Variants in NFASC observed in about 807,000 individuals in gnomAD.
The protein encoded by NFASC is neurofascin.
In NFASC, 43 loss-of-function variants were observed where a neutral mutation model predicts 147.5. The observed-to-expected ratio is 0.29, with a 90% CI of 0.23 to 0.38. The LOEUF (loss-of-function observed/expected upper bound fraction) is 0.38. Among genes scored for constraint, NFASC ranks in the 10% least tolerant of loss-of-function variants. The pLI is 1.00. For missense variants in NFASC, 1,320 were observed against 1,689.0 expected, an observed-to-expected ratio of 0.78 and a Z score of 3.83; for synonymous variants, 622 against 665.5, an observed-to-expected ratio of 0.93 and a Z score of 1.01.
In NFASC at chr1:204,970,690, GC is replaced by G; in HGVS notation, c.1080del (p.Asn361MetfsTer12). 1 of 1,614,232 alleles carries G rather than the reference GC, an allele frequency of 6.2e-7. No individual in the cohort carries two copies. The highest frequency in any genetic ancestry group is 8.5e-7 in the Non-Finnish European group (1 of 1,180,044). On this transcript the variant is annotated frameshift_variant, in exon 11 of 30. Coordinates refer to ENST00000339876, the MANE Select transcript of NFASC (RefSeq NM_001005388.3). LOFTEE classifies it high-confidence loss of function. ...CGAGGATGGGAGACTGGTGTGTCGA[GC>G]CAATGGAAACCCCAAACCCACTGTC... ...PGEDGRLVCRANGNPKPTVQW... is the reference protein window; with the variant it reads ...PGEDGRLVCRXNGNPKPTVQW...
At position 204,987,060 on chromosome 1, in the gene NFASC, T is replaced by TGTAA. The variant is rs2095630094; in HGVS notation, c.2471-355_2471-352dup. On this transcript the variant is annotated intron_variant, in intron 21 of 29. Transcript: ENST00000339876. This position sits in a 1 kb window ranked among gnomAD's most constrained non-coding sequence, Gnocchi z 4.4. ...AACTGCAGCCTCTGTACAAAACAGCTGTAAGTGGTTCTCTACCTAGGAATG... is the reference window on the plus strand; with the variant it reads ...AACTGCAGCCTCTGTACAAAACAGCTGTAAGTAAGTGGTTCTCTACCTAGGAATG... The TGTAA allele has an allele frequency of 3.6e-6, 1 of 278,846 alleles. No individual in the cohort carries two copies. Among genetic ancestry groups the TGTAA allele is most frequent in the Non-Finnish European group, 6.8e-6 (1 of 146,654 alleles). The allele number at this position is 278,846 out of a possible 1,614,324, so 17.3% of individuals were successfully genotyped here.
intron 1 of NFASC, among the ~76,000 whole-genome samples, chr1:204,835,943 A>T (rs1289783510): frequency 1.3e-5 from 2 of 152,164 alleles, no homozygotes; most frequent in Non-Finnish European, 2.9e-5. Flanking sequence ...CTGGGATGAG[A>T]GTGAATGGCT....
intron 1 of NFASC, among the ~76,000 whole-genome samples, chr1:204,867,409 CCACA>C (rs34586429): frequency 0.039 from 5,712 of 146,502 alleles, 245 homozygotes; most frequent in African/African-American, 0.11. Flanking sequence ...TCAGAACTCA[CCACA>C]CACACACACA....
chr1:204,911,409 G>A (rs1235173758), intron 1 of NFASC, among the ~76,000 whole-genome samples: 3 of 152,080 alleles, frequency 2.0e-5, no homozygotes, highest in African/African-American at 2.4e-5. Flanking sequence ...AAGAAATGGA[G>A]GTCTCAAGAT....
intron 1 of NFASC, among the ~76,000 whole-genome samples, chr1:204,908,571 C>A (rs2086571381): frequency 6.6e-6 from 1 of 152,000 alleles, no homozygotes; most frequent in Non-Finnish European, 1.5e-5. Context: ...CTACTTTGCC[C>A]AGGTTCCCCC....
At chr1:204,962,232 C>A in intron 8 of NFASC, 2 of 1,251,692 alleles carry the variant, frequency 1.6e-6, no homozygotes, top group South Asian at 2.4e-5. Flanking sequence ...ACTGATACCA[C>A]GTCATTAACT....
chr1:204,876,290 G>T (rs964729759), intron 1 of NFASC, among the ~76,000 whole-genome samples: 4 of 151,884 alleles, frequency 2.6e-5, no homozygotes, highest in Non-Finnish European at 5.9e-5. Flanking sequence ...TCCTCATCCA[G>T]TTTACAGTCC....
At chr1:204,873,690 A>G (rs543276300) in intron 1 of NFASC, among the ~76,000 whole-genome samples, 1 of 152,218 alleles carries the variant, frequency 6.6e-6, no homozygotes, top group Non-Finnish European at 1.5e-5. Flanking sequence ...TTCTGAGGCA[A>G]TGAAGAAGCC....
chr1:204,957,600 G>A, intron 7 of NFASC, 56 bp from the exon 8 acceptor site: 1 of 1,547,670 alleles, frequency 6.5e-7, no homozygotes, highest in South Asian at 1.1e-5. Flanking sequence ...GGACTGCGGT[G>A]GTGATGATTA....
intron 1 of NFASC, chr1:204,870,959 G>T (rs1284361234): frequency 7.8e-7 from 1 of 1,278,580 alleles, no homozygotes; most frequent in African/African-American, 1.5e-5. Context: ...AAGTCTGCCA[G>T]CTGGGATGGC....
chr1:204,929,333 A>T (rs1418727057), intron 2 of NFASC: 1 of 152,378 alleles, frequency 6.6e-6, no homozygotes, highest in African/African-American at 2.4e-5. Context: ...GACCACCCCC[A>T]TCCAACCCTG....
In NFASC at chr1:204,973,339, T is replaced by G. The variant is rs1326886362; in HGVS notation, c.1199T>G (p.Ile400Ser). ...GDTIIFRDTQ[I>S]SSRAVYQCNT... ...ACCATCATCTTCCGGGACACCCAGA[T>G]CAGCAGCAGGGCTGTGTACCAGTGC... Residue 400 changes from isoleucine (I) to serine (S), a missense_variant, in exon 12 of 30, where the codon ATC (isoleucine) becomes AGC (serine). By Grantham distance (142) the Ile-to-Ser change is moderately radical (BLOSUM62 -2). This residue lies in a region of NFASC where 981 missense variants were observed against 1,289.5 expected (regional missense o/e 0.76). Transcript: ENST00000339876. The G allele has an allele frequency of 6.2e-7, 1 of 1,614,242 alleles. No individual in the cohort carries two copies. Among genetic ancestry groups the G allele is most frequent in the Non-Finnish European group, 8.5e-7 (1 of 1,180,044 alleles).
At chr1:204,870,231 A>G (rs1375898105) in intron 1 of NFASC, among the ~76,000 whole-genome samples, 4 of 152,150 alleles carry the variant, frequency 2.6e-5, no homozygotes, top group African/African-American at 9.7e-5. Context: ...CATGGCTGTA[A>G]TCAAATGTGT....
chr1:204,936,621 G>C (rs1179380757), intron 2 of NFASC, among the ~76,000 whole-genome samples: 3 of 151,994 alleles, frequency 2.0e-5, no homozygotes, highest in Non-Finnish European at 4.4e-5. Context: ...AAAGAGTGTG[G>C]GGTGTCTGGT....
At chr1:205,004,681 T>C in intron 27 of NFASC, among the ~76,000 whole-genome samples, 1 of 152,254 alleles carries the variant, frequency 6.6e-6, no homozygotes, top group East Asian at 1.9e-4. Flanking sequence ...GCCAAGTCCA[T>C]GCAATCCACA....
intron 1 of NFASC, among the ~76,000 whole-genome samples, chr1:204,906,821 C>T (rs1333083809): frequency 6.6e-6 from 1 of 151,850 alleles, no homozygotes; most frequent in Non-Finnish European, 1.5e-5. Flanking sequence ...GTAGCTGGGA[C>T]TACAGGCACC....
chr1:204,890,252 T>C (rs1175465422), intron 1 of NFASC, among the ~76,000 whole-genome samples: 1 of 152,212 alleles, frequency 6.6e-6, no homozygotes, highest in South Asian at 2.1e-4. Flanking sequence ...TTGTGTTGGC[T>C]GCACATGTGC....
At chr1:204,970,208 T>A (rs4951149) in intron 10 of NFASC, among the ~76,000 whole-genome samples, 31,868 of 152,118 alleles carry the variant, frequency 0.21, 4,002 homozygotes, top group Middle Eastern at 0.32. Flanking sequence ...AGTGCCCACT[T>A]TACCACCTTC....
chr1:204,838,199 G>A (rs2102448233), intron 1 of NFASC, among the ~76,000 whole-genome samples: 2 of 152,320 alleles, frequency 1.3e-5, no homozygotes, highest in East Asian at 1.9e-4. Context: ...AATTACATGA[G>A]CACTTGAAAT....
Sources: gnomAD v4.1 joint callset for allele counts (sites outside exome capture counted in the v4.1 genomes callset) on GRCh38, gnomAD v4.1.1 for gene constraint, gnomAD v4.1.1 regional missense constraint, Gnocchi (gnomAD v3.1) non-coding constraint, MANE v1.5 for transcripts, NCBI Gene and HGNC (gene_info 2026-07-23, HGNC 2026-07-21) for gene names.